The following RRAGC variants were observed in gnomAD, a reference collection of about 807,000 sequenced individuals.
RRAGC encodes Ras related GTP binding C.
RRAGC carries 8 observed loss-of-function variants against 37.1 expected under a neutral mutation model. That is an observed-to-expected ratio of 0.22 (90% confidence interval 0.13 to 0.39). The LOEUF (loss-of-function observed/expected upper bound fraction) is 0.39, where lower values mean the gene tolerates loss of function less well. Among genes scored for constraint, RRAGC ranks in the 10% least tolerant of loss-of-function variants. The probability of loss-of-function intolerance (pLI) is 1.00; values close to 1 mark genes in which losing one functional copy is unlikely to be tolerated. For missense variants in RRAGC, 342 were observed against 497.6 expected (o/e 0.69, Z 2.98); for synonymous variants, 190 against 181.1 (o/e 1.05, Z -0.39).
intron 6 of RRAGC, 125 bp from the exon 7 acceptor site, chr1:38,839,829 T>G: frequency 2.3e-6 from 2 of 876,702 alleles, no homozygotes; most frequent in Non-Finnish European, 3.5e-6. Flanking sequence ...CCAAACTAGA[T>G]AGCAACTTCT....
Position 38,859,541 on chromosome 1 carries a change from C to T in RRAGC, c.106G>A (p.Glu36Lys). Residue 36 changes from glutamate to lysine, a missense_variant, in exon 1 of 7, where the codon GAG (glutamate) becomes AAG (lysine). Around this residue, in one of 3 missense-constraint regions of RRAGC, gnomAD observed 104 missense variants for 93.4 expected, o/e 1.11. Transcript: ENST00000373001. ...FGYGVEEEEE[E>K]AAAAGGGVGA... ...ACCCCTCCGCCCGCCGCCGCCGCCT[C>T]CTCTTCCTCCTCCTCCACGCCGTAG... 6.5e-7 allele frequency: 1 copy of T among 1,549,080 alleles called. No individual in the cohort carries two copies. Among genetic ancestry groups the T allele is most frequent in the Non-Finnish European group, 8.7e-7 (1 of 1,147,156 alleles).
intron 6 of RRAGC, among the ~76,000 whole-genome samples, chr1:38,840,880 C>T (rs1345274690): frequency 6.6e-6 from 1 of 152,200 alleles, no homozygotes; most frequent in Admixed American, 6.5e-5. Context: ...AATTCAACTA[C>T]ATTAAAATTT....
intron 5 of RRAGC, 175 bp from the exon 6 acceptor site, chr1:38,846,262 G>T: frequency 1.8e-6 from 1 of 547,328 alleles, no homozygotes. Flanking sequence ...CAGAATTTCA[G>T]GGATACCTAT....
At chr1:38,846,140 C>T in intron 5 of RRAGC, 53 bp from the exon 6 acceptor site, 9 of 1,382,676 alleles carry the variant, frequency 6.5e-6, no homozygotes, top group Non-Finnish European at 9.1e-6. Flanking sequence ...AGGCATCTGC[C>T]ACATTTAATC....
chr1:38,857,110 G>T (rs754922128), intron 1 of RRAGC, 28 bp from the exon 2 acceptor site: 2 of 1,501,690 alleles, frequency 1.3e-6, no homozygotes, highest in South Asian at 1.1e-5. Flanking sequence ...GCAATTTTAT[G>T]ACTATTAAAC....
At chr1:38,841,629 A>G (rs992203384) in intron 6 of RRAGC, among the ~76,000 whole-genome samples, 24 of 149,772 alleles carry the variant, frequency 1.6e-4, no homozygotes, top group Non-Finnish European at 5.9e-5. Context: ...CTTCCAAAGC[A>G]CTGAGATTAC....
chr1:38,859,407 C>T lies in RRAGC; in HGVS notation c.237+3G>A, dbSNP rs1380687041. The T allele has an allele frequency of 6.5e-7, 1 of 1,547,854 alleles. No homozygotes were observed. Among genetic ancestry groups the T allele is most frequent in the East Asian group, 2.4e-5 (1 of 40,858 alleles). ...GCGGGGGACTGGGCGCAGCCCTGCT[C>T]ACCTTCTGGATGGAGGACTTGCCGC... On this transcript the variant is annotated splice_donor_region_variant and intron_variant, in intron 1 of 6. Transcript: ENST00000373001.
chr1:38,844,823 C>A (rs1642008963), intron 6 of RRAGC, among the ~76,000 whole-genome samples: 1 of 152,110 alleles, frequency 6.6e-6, no homozygotes, highest in South Asian at 2.1e-4. Context: ...AGGATATGAA[C>A]AGCCACTTCT....
chr1:38,846,242 T>C, intron 5 of RRAGC, 155 bp from the exon 6 acceptor site: 1 of 607,512 alleles, frequency 1.6e-6, no homozygotes, highest in Non-Finnish European at 2.8e-6. Flanking sequence ...AGGTATAGTG[T>C]TCCTAAACAC....
At chr1:38,848,225 GA>G (rs1490133357) in intron 5 of RRAGC, among the ~76,000 whole-genome samples, 1 of 152,182 alleles carries the variant, frequency 6.6e-6, no homozygotes, top group East Asian at 1.9e-4. Flanking sequence ...GAGTATAGAA[GA>G]AAACTACTTC....
intron 6 of RRAGC, among the ~76,000 whole-genome samples, chr1:38,843,674 T>C (rs1641992782): frequency 6.7e-6 from 1 of 149,990 alleles, no homozygotes; most frequent in Admixed American, 6.7e-5. Context: ...GAGCCGAGAT[T>C]GCGCCACTGC....
chr1:38,845,790 TGGAA>T (rs1642020576), intron 6 of RRAGC, 145 bp downstream of exon 6: 2 of 608,116 alleles, frequency 3.3e-6, no homozygotes, highest in Non-Finnish European at 5.6e-6. Context: ...GGACTATACA[TGGAA>T]GGAAAGGGAC....
At chr1:38,849,149 C>G (rs1180776491) in intron 5 of RRAGC, among the ~76,000 whole-genome samples, 1 of 150,716 alleles carries the variant, frequency 6.6e-6, no homozygotes, top group Admixed American at 6.6e-5. Context: ...GTGTGGTGTG[C>G]GGCTGTAGTC....
At chr1:38,848,915 T>C (rs1400394717) in intron 5 of RRAGC, among the ~76,000 whole-genome samples, 1 of 151,856 alleles carries the variant, frequency 6.6e-6, no homozygotes, top group Admixed American at 6.6e-5. Flanking sequence ...GAGAATCACT[T>C]GAGTCCAGGA....
chr1:38,845,427 G>A (rs1471052342), intron 6 of RRAGC, among the ~76,000 whole-genome samples: 1 of 152,128 alleles, frequency 6.6e-6, no homozygotes, highest in East Asian at 1.9e-4. Context: ...GCTGAACAAT[G>A]AGAACACATG....
At position 38,852,421 on chromosome 1, in the gene RRAGC, T is replaced by G; in HGVS notation, c.709A>C (p.Ile237Leu). 6.2e-7 allele frequency: 1 copy of G among 1,610,812 alleles called. No individual in the cohort carries two copies. The highest frequency in any genetic ancestry group is 8.5e-7 in the Non-Finnish European group (1 of 1,177,348). The change falls in exon 4 of 7, where the codon ATT becomes CTT. Residue 237 changes from isoleucine (I) to leucine (L), a missense_variant. By Grantham distance (5) the Ile-to-Leu change is conservative (BLOSUM62 2). This residue lies in a region of RRAGC where 134 missense variants were observed against 277.2 expected (regional missense o/e 0.48). Coordinates refer to ENST00000373001, the MANE Select transcript of RRAGC (RefSeq NM_022157.4). ...EAFSKVVQKLIPQLPTLENLL... is the reference protein window; with the variant it reads ...EAFSKVVQKLLPQLPTLENLL... ...TTTTCCAAGGTCGGCAGTTGTGGAATGAGTTTCTGCACCACCTTACTAAAG... is the reference window on the plus strand; with the variant it reads ...TTTTCCAAGGTCGGCAGTTGTGGAAGGAGTTTCTGCACCACCTTACTAAAG...
At chr1:38,839,875 A>C (rs1464293750) in intron 6 of RRAGC, among the ~76,000 whole-genome samples, 171 bp from the exon 7 acceptor site, 2 of 152,170 alleles carry the variant, frequency 1.3e-5, no homozygotes, top group Non-Finnish European at 2.9e-5. Flanking sequence ...GGTCAGGTGC[A>C]GTGGCTCACG....
intron 6 of RRAGC, 45 bp downstream of exon 6, chr1:38,845,894 T>C: frequency 1.3e-6 from 2 of 1,504,800 alleles, no homozygotes; most frequent in South Asian, 1.2e-5. Flanking sequence ...TGAGAAGTTA[T>C]GGCAAAGAAA....
At chr1:38,851,787 T>C in intron 4 of RRAGC, 30 bp from the exon 5 acceptor site, 2 of 1,586,470 alleles carry the variant, frequency 1.3e-6, no homozygotes, top group Non-Finnish European at 1.7e-6. Flanking sequence ...AACTGTTCAG[T>C]ATTTTTTAAG....
Sources: gnomAD v4.1 joint callset for allele counts (sites outside exome capture counted in the v4.1 genomes callset) on GRCh38, gnomAD v4.1.1 for gene constraint, gnomAD v4.1.1 regional missense constraint, MANE v1.5 for transcripts, NCBI Gene and HGNC (gene_info 2026-07-23, HGNC 2026-07-21) for gene names.